The following MAGI2 variants were observed in gnomAD, a reference collection of about 807,000 sequenced individuals.
The protein encoded by MAGI2 is membrane-associated guanylate kinase, WW and PDZ domain-containing protein 2.
Under a neutral mutation model 133.3 loss-of-function variants are expected in MAGI2, and 35 were observed. The observed-to-expected ratio is 0.26, with a 90% CI of 0.20 to 0.35. The LOEUF (loss-of-function observed/expected upper bound fraction) is 0.35. MAGI2 is among the 10% of genes least tolerant of loss of function. MAGI2 has a pLI of 1.00. For missense variants in MAGI2, 1,636 were observed against 1,863.4 expected (o/e 0.88, Z 2.25); for synonymous variants, 729 against 710.6 (o/e 1.03, Z -0.41).
intron 2 of MAGI2, among the ~76,000 whole-genome samples, chr7:78,731,437 A>T (rs1320110228): frequency 1.3e-5 from 2 of 152,154 alleles, no homozygotes; most frequent in Non-Finnish European, 2.9e-5. Context: ...AAAAGGTTAC[A>T]TTCATTACCA....
chr7:79,074,775 GA>G (rs1274222701), intron 1 of MAGI2, among the ~76,000 whole-genome samples: 1 of 152,190 alleles, frequency 6.6e-6, no homozygotes, highest in Non-Finnish European at 1.5e-5. Flanking sequence ...AGCCAAACAG[GA>G]AATCTGAGGA....
At chr7:79,391,812 C>A (rs900820943) in intron 1 of MAGI2, among the ~76,000 whole-genome samples, 5 of 151,788 alleles carry the variant, frequency 3.3e-5, no homozygotes, top group African/African-American at 9.7e-5. Context: ...GCCTCCCCAG[C>A]AGCTGGGACT....
intron 2 of MAGI2, among the ~76,000 whole-genome samples, chr7:78,699,628 T>C (rs1337062837): frequency 6.6e-6 from 1 of 152,208 alleles, no homozygotes; most frequent in Non-Finnish European, 1.5e-5. Context: ...ACCTGCTTAT[T>C]GGGTTCATCC....
At chr7:78,987,525 T>G (rs758036445) in intron 2 of MAGI2, among the ~76,000 whole-genome samples, 6 of 152,050 alleles carry the variant, frequency 3.9e-5, no homozygotes, top group Non-Finnish European at 1.5e-5. Flanking sequence ...TAATCCATAA[T>G]GCACCAACAT....
chr7:78,810,069 T>C (rs142572751), intron 2 of MAGI2, among the ~76,000 whole-genome samples: 1 of 152,220 alleles, frequency 6.6e-6, no homozygotes, highest in East Asian at 1.9e-4. Context: ...TGTTGAAAGA[T>C]ATGTAAGAAA....
intron 3 of MAGI2, among the ~76,000 whole-genome samples, chr7:78,554,307 C>A (rs1799603790): frequency 6.6e-6 from 1 of 152,200 alleles, no homozygotes. Flanking sequence ...CATGGGGCTG[C>A]AAGCACCATC....
At chr7:79,423,206 CGTT>C (rs1160690924) in intron 1 of MAGI2, among the ~76,000 whole-genome samples, 1 of 131,024 alleles carries the variant, frequency 7.6e-6, no homozygotes, top group African/African-American at 3.5e-5. Context: ...ATTTTGAAAT[CGTT>C]GTACACATCA....
chr7:78,905,215 T>C (rs925725845), intron 2 of MAGI2, among the ~76,000 whole-genome samples: 2 of 152,350 alleles, frequency 1.3e-5, no homozygotes, highest in Admixed American at 1.3e-4. Context: ...AATGCATGTA[T>C]ACTCTCTCCA....
At chr7:79,284,887 C>T (rs540795237) in intron 1 of MAGI2, among the ~76,000 whole-genome samples, 115 of 151,984 alleles carry the variant, frequency 7.6e-4, no homozygotes, top group Non-Finnish European at 1.5e-3. Context: ...ATCTGCACTT[C>T]GGTCCTTAAT....
rs59531463 is a variant in MAGI2, at chr7:78,061,409, TACACACAC to T, written c.3706+17530_3706+17537del. Among the ~76,000 whole-genome samples the T allele has an allele frequency of 5.8e-3, 810 of 139,760 alleles. 6 individuals are homozygous for T. The highest frequency in any genetic ancestry group is 0.012 in the African/African-American group (440 of 36,410). The allele number at this position is 139,760 out of a possible 152,430, so 91.7% of individuals were successfully genotyped here. A position where few individuals can be genotyped will look rare whatever the true frequency, so the allele number is the denominator to read the frequency against. On this transcript the variant is annotated intron_variant, in intron 21 of 21. Transcript: ENST00000354212. ...TATGCTCACATCTGGGGACTGGTTG[TACACACAC>T]ACACACACACACACACACACACACA...
chr7:78,340,187 G>A (rs1019347212), intron 9 of MAGI2, among the ~76,000 whole-genome samples: 11 of 152,140 alleles, frequency 7.2e-5, no homozygotes, highest in Non-Finnish European at 1.5e-4. Context: ...CTAAATAAAT[G>A]TGAAAAACAT....
rs1316583470 is a variant in MAGI2, at chr7:78,539,577, TTC to T, written c.539-17934_539-17933del. 3.9e-5 allele frequency among the ~76,000 whole-genome samples: 6 copies of T among 152,328 alleles called. No individual in the cohort carries two copies. The South Asian group carries it at 1.2e-3, about 32-fold the overall frequency. ...CTACTTTTGCTGTATTCCAGAGCTA[TTC>T]ACAGGTTGTGTCATTATTATCATTC... On this transcript the variant is annotated intron_variant, in intron 3 of 21. Transcript: ENST00000354212.
At chr7:79,062,600 G>T (rs1352890646) in intron 1 of MAGI2, among the ~76,000 whole-genome samples, 4 of 152,060 alleles carry the variant, frequency 2.6e-5, no homozygotes. Flanking sequence ...TCAGTTATTT[G>T]TAAACCTAAA....
chr7:78,820,079 T>C (rs1032629061), intron 2 of MAGI2, among the ~76,000 whole-genome samples: 3 of 151,924 alleles, frequency 2.0e-5, no homozygotes, highest in African/African-American at 7.2e-5. Flanking sequence ...CATCGATTGT[T>C]AGTGGGGAGT....
At chr7:79,268,965 C>T (rs1223024330) in intron 1 of MAGI2, among the ~76,000 whole-genome samples, 3 of 152,124 alleles carry the variant, frequency 2.0e-5, no homozygotes, top group Non-Finnish European at 4.4e-5. Context: ...CACTTAAACA[C>T]GTTTCACATT....
intron 9 of MAGI2, among the ~76,000 whole-genome samples, chr7:78,312,451 G>GAA (rs1296441474): frequency 6.6e-6 from 1 of 152,018 alleles, no homozygotes; most frequent in African/African-American, 2.4e-5. Context: ...GCAATATATA[G>GAA]AATGGGATAA....
intron 3 of MAGI2, among the ~76,000 whole-genome samples, chr7:78,608,754 G>A (rs1471224993): frequency 6.6e-6 from 1 of 152,136 alleles, no homozygotes. Flanking sequence ...AGTTGTTCTA[G>A]AATCACATAG....
intron 7 of MAGI2, among the ~76,000 whole-genome samples, chr7:78,354,719 C>T (rs941138673): frequency 6.6e-6 from 1 of 152,172 alleles, no homozygotes; most frequent in East Asian, 1.9e-4. Context: ...TATAGCAATT[C>T]CTTTTATATG....
At chr7:78,198,428 G>GTT (rs398066996) in intron 11 of MAGI2, among the ~76,000 whole-genome samples, 13,650 of 97,450 alleles carry the variant, frequency 0.14, 1,481 homozygotes, top group East Asian at 0.28. Flanking sequence ...GGCTGTGGCC[G>GTT]TTTTTTTTTT....
Sources: allele counts gnomAD v4.1 joint callset (sites outside exome capture counted in the v4.1 genomes callset), GRCh38; gene constraint gnomAD v4.1.1; transcripts MANE v1.5; gene names NCBI Gene and HGNC (gene_info 2026-07-23, HGNC 2026-07-21).